C8orf34: variants seen among roughly 807,000 people sequenced by gnomAD.
C8orf34 encodes uncharacterized protein C8orf34.
A neutral mutation model predicts 68.3 loss-of-function variants in C8orf34; 65 were observed. The ratio of observed to expected loss-of-function variants is 0.95; its 90% confidence interval spans 0.78 to 1.17. C8orf34 has a LOEUF of 1.17. Among genes scored for constraint, C8orf34 ranks in the 50% most tolerant of loss-of-function variants. The pLI, the probability that C8orf34 is intolerant of heterozygous loss-of-function variation, is 0.00. For missense variants in C8orf34, 664 were observed against 655.4 expected (o/e 1.01, Z -0.14); for synonymous variants, 244 against 241.2 (o/e 1.01, Z -0.11).
intron 1 of C8orf34, among the ~76,000 whole-genome samples, chr8:68,415,748 T>C (rs937183521): frequency 6.6e-6 from 1 of 152,224 alleles, no homozygotes; most frequent in African/African-American, 2.4e-5. Context: ...AATCCGAGAC[T>C]TGATCTGTCT....
intron 7 of C8orf34, among the ~76,000 whole-genome samples, chr8:68,561,157 A>T (rs759777801): frequency 2.0e-5 from 3 of 151,254 alleles, no homozygotes; most frequent in Non-Finnish European, 4.4e-5. Flanking sequence ...TAATTTTTGT[A>T]TTTTTTGTGG....
At chr8:68,698,747 C>G (rs1820906012) in intron 8 of C8orf34, among the ~76,000 whole-genome samples, 1 of 152,094 alleles carries the variant, frequency 6.6e-6, no homozygotes, top group African/African-American at 2.4e-5. Flanking sequence ...AAGCAATTCT[C>G]TGTTAGGCTA....
intron 10 of C8orf34, among the ~76,000 whole-genome samples, chr8:68,766,689 T>G (rs1163536505): frequency 6.6e-6 from 1 of 152,228 alleles, no homozygotes; most frequent in East Asian, 1.9e-4. Flanking sequence ...TGGAGATTTG[T>G]AAAATTTCAC....
In C8orf34 at chr8:68,385,940, C is replaced by T. The variant is rs555080054; in HGVS notation, c.328-53559C>T. ...TTTGAGACAGGATTTCTCACTGTTG[C>T]CCAGACTGGAGTGTAGTGGCGTGGT... On this transcript the variant is annotated intron_variant, in intron 1 of 13. Transcript: ENST00000518698. Among the ~76,000 whole-genome samples the T allele has an allele frequency of 2.6e-5, 4 of 152,216 alleles. No homozygotes were observed. In the South Asian group the frequency reaches 8.3e-4, roughly 32 times the overall value.
chr8:68,781,008 A>C (rs2953947), intron 11 of C8orf34, among the ~76,000 whole-genome samples: 11 of 151,922 alleles, frequency 7.2e-5, no homozygotes, highest in African/African-American at 2.7e-4. Flanking sequence ...TTTTACAGGG[A>C]TTCCATGGTT....
chr8:68,643,021 T>A (rs911837072), intron 8 of C8orf34, among the ~76,000 whole-genome samples: 2 of 152,178 alleles, frequency 1.3e-5, no homozygotes, highest in African/African-American at 4.8e-5. Flanking sequence ...AACCTCCTGC[T>A]GTGCCAGGAG....
At chr8:68,763,436 T>TA (rs1424992880) in intron 10 of C8orf34, among the ~76,000 whole-genome samples, 1 of 152,190 alleles carries the variant, frequency 6.6e-6, no homozygotes, top group Non-Finnish European at 1.5e-5. Flanking sequence ...AACTGGATCT[T>TA]ACTCCCTTTT....
At chr8:68,398,796 T>C (rs1808828052) in intron 1 of C8orf34, among the ~76,000 whole-genome samples, 1 of 152,188 alleles carries the variant, frequency 6.6e-6, no homozygotes, top group East Asian at 1.9e-4. Context: ...ATTGTTTTGC[T>C]AAATATGCAA....
chr8:68,414,396 G>A (rs1428202058), intron 1 of C8orf34, among the ~76,000 whole-genome samples: 1 of 152,164 alleles, frequency 6.6e-6, no homozygotes, highest in Non-Finnish European at 1.5e-5. Flanking sequence ...GCTATCTGTA[G>A]AGTGTACAGC....
At chr8:68,691,234 G>A (rs1820676579) in intron 8 of C8orf34, among the ~76,000 whole-genome samples, 1 of 151,984 alleles carries the variant, frequency 6.6e-6, no homozygotes, top group South Asian at 2.1e-4. Flanking sequence ...CCTGCTTGGA[G>A]CAAGTCTGTC....
At chr8:68,551,294 T>C (rs1816062001) in intron 7 of C8orf34, among the ~76,000 whole-genome samples, 1 of 152,028 alleles carries the variant, frequency 6.6e-6, no homozygotes, top group South Asian at 2.1e-4. Context: ...TCCAGTCTAC[T>C]AATGAGCTAT....
intron 8 of C8orf34, among the ~76,000 whole-genome samples, chr8:68,660,170 G>A (rs768971714): frequency 2.0e-5 from 3 of 152,078 alleles, no homozygotes; most frequent in Non-Finnish European, 2.9e-5. Flanking sequence ...GGAGAAAGAA[G>A]CCATTTTTTC....
intron 7 of C8orf34, among the ~76,000 whole-genome samples, chr8:68,593,798 C>G (rs1817465264): frequency 6.6e-6 from 1 of 151,742 alleles, no homozygotes; most frequent in African/African-American, 2.4e-5. Flanking sequence ...TCTGATCTAG[C>G]CTTTGTCATT....
At position 68,621,008 on chromosome 8, in the gene C8orf34, C is replaced by T. The variant is rs138937406; in HGVS notation, c.1106-19368C>T. Among the ~76,000 whole-genome samples the T allele has an allele frequency of 1.6e-4, 24 of 151,998 alleles. No homozygotes were observed. The East Asian group carries it at 1.7e-3, about 11-fold the overall frequency. Reference sequence around the variant, plus strand: ...GAGTTAGAAATATATAAATATTTGCCCAGATGTGGGAACACCAATATATTG... The same window carrying T: ...GAGTTAGAAATATATAAATATTTGCTCAGATGTGGGAACACCAATATATTG... On this transcript the variant is annotated intron_variant, in intron 7 of 13. Transcript: ENST00000518698.
rs983122991 is a variant in C8orf34, at chr8:68,540,839, C to T, written c.1105+7690C>T. Among the ~76,000 whole-genome samples the T allele has an allele frequency of 2.2e-4, 6 of 27,352 alleles. No individual in the cohort carries two copies. In the East Asian group the frequency reaches 6.4e-3, roughly 29 times the overall value. The allele number at this position is 27,352 out of a possible 152,430, so 17.9% of individuals were successfully genotyped here. A position where few individuals can be genotyped will look rare whatever the true frequency, so the allele number is the denominator to read the frequency against. On this transcript the variant is annotated intron_variant, in intron 7 of 13. Transcript: ENST00000518698. ...CCTGGGCGACAGAGCGAGACTGCGT[C>T]TCAAACAAAAAAAAAAGAAAGAAAG...
At chr8:68,663,002 C>A (rs532475122) in intron 8 of C8orf34, among the ~76,000 whole-genome samples, 224 of 152,238 alleles carry the variant, frequency 1.5e-3, no homozygotes, top group Non-Finnish European at 2.9e-3. Context: ...GGAAGTTACC[C>A]TTTTTGACTG....
intron 7 of C8orf34, chr8:68,533,983 T>C (rs1249021528): frequency 1.7e-5 from 15 of 885,382 alleles, no homozygotes; most frequent in Non-Finnish European, 1.9e-5. Context: ...ATATAATTAT[T>C]TGAAAGCCTT....
chr8:68,522,877 A>G (rs1425164418), intron 6 of C8orf34, among the ~76,000 whole-genome samples: 1 of 152,170 alleles, frequency 6.6e-6, no homozygotes, highest in Non-Finnish European at 1.5e-5. Flanking sequence ...TTTCCTGTGC[A>G]TAGCATAGCC....
rs973560968 is a variant in C8orf34, at chr8:68,522,018, G to A, written c.938+47G>A. The A allele has an allele frequency of 2.0e-6, 3 of 1,514,940 alleles. No homozygotes were observed. The Admixed American group carries it at 6.2e-5, about 31-fold the overall frequency. The allele number at this position is 1,514,940 out of a possible 1,614,324, so 93.8% of individuals were successfully genotyped here. On this transcript the variant is annotated intron_variant, in intron 6 of 13. Transcript: ENST00000518698. Reference sequence around the variant, plus strand: ...GATTCTATATTACTAGTCATTAAAAGGTAAAGGGAAAATAAACCCAAGTTC... The same window carrying A: ...GATTCTATATTACTAGTCATTAAAAAGTAAAGGGAAAATAAACCCAAGTTC...
Sources: allele counts gnomAD v4.1 joint callset (sites outside exome capture counted in the v4.1 genomes callset), GRCh38; gene constraint gnomAD v4.1.1; transcripts MANE v1.5; gene names NCBI Gene and HGNC (gene_info 2026-07-23, HGNC 2026-07-21).